Variants in POU6F2 observed in about 807,000 individuals in gnomAD.
POU6F2 encodes the protein POU class 6 homeobox 2, also known as POU domain, class 6, transcription factor 2.
POU6F2 carries 31 observed loss-of-function variants against 71.3 expected under a neutral mutation model. The observed-to-expected ratio is 0.43, with a 90% CI of 0.33 to 0.59. The LOEUF (loss-of-function observed/expected upper bound fraction) is 0.59. POU6F2 is among the 20% of genes least tolerant of loss of function. The pLI is 0.04. For missense variants in POU6F2, 783 were observed against 856.8 expected, an observed-to-expected ratio of 0.91 and a Z score of 1.07; for synonymous variants, 347 against 355.7, an observed-to-expected ratio of 0.98 and a Z score of 0.27.
intron 2 of POU6F2, among the ~76,000 whole-genome samples, chr7:39,163,571 A>G (rs1793042584): frequency 6.6e-6 from 1 of 152,194 alleles, no homozygotes. Flanking sequence ...GAACAGATCC[A>G]GAGACTCTCT....
At chr7:39,112,588 G>A (rs1269379014) in intron 2 of POU6F2, among the ~76,000 whole-genome samples, 1 of 151,892 alleles carries the variant, frequency 6.6e-6, no homozygotes, top group Non-Finnish European at 1.5e-5. Context: ...ATATCCACAT[G>A]AAATTGCTTA....
rs757067400 is a variant in POU6F2 at position 39,207,402 on chromosome 7, C to T, written c.380C>T (p.Thr127Met). ...TCTGTTTCCTTGCAGCCACTTCTGA[C>T]GGCACAGCAGTTAGCTTCTGCTGTG... ...PFPVGPQPLL[T>M]AQQLASAVAG... The change falls in exon 4 of 10, where the codon ACG (threonine) becomes ATG (methionine). Residue 127 changes from threonine to methionine, a missense_variant. Transcript: ENST00000518318. 7 of 1,613,556 alleles carry T rather than the reference C, an allele frequency of 4.3e-6. No individual in the cohort carries two copies. The highest frequency in any genetic ancestry group is 2.2e-5 in the South Asian group (2 of 91,022).
chr7:39,160,110 C>T (rs532964962), intron 2 of POU6F2, among the ~76,000 whole-genome samples: 144 of 152,260 alleles, frequency 9.5e-4, no homozygotes, highest in African/African-American at 3.3e-3. Context: ...GAGAGGACAG[C>T]GTCCCAAGTT....
In POU6F2 at chr7:39,329,150, A is replaced by T. The variant is rs1485480696; in HGVS notation, c.599-10492A>T. ...AAATGGGAAGCCATCTGTGTCTTTA[A>T]TATGGCTTGGTGTAATATATATATT... On this transcript the variant is annotated intron_variant, in intron 4 of 9. Coordinates refer to ENST00000518318, the MANE Select transcript of POU6F2 (RefSeq NM_001370959.1). 4 of 152,142 alleles carry T rather than the reference A, an allele frequency of 2.6e-5. No homozygotes were observed. In the Admixed American group the frequency reaches 2.6e-4, roughly 10 times the overall value. The allele number at this position is 152,142 out of a possible 1,614,324, so 9.4% of individuals were successfully genotyped here. A position where few individuals can be genotyped will look rare whatever the true frequency, so the allele number is the denominator to read the frequency against.
intron 1 of POU6F2, among the ~76,000 whole-genome samples, chr7:39,079,180 CTT>C (rs1162865518): frequency 1.8e-4 from 14 of 79,320 alleles, no homozygotes; most frequent in East Asian, 7.2e-4. Context: ...CTCACAATAT[CTT>C]TTTTTTTTTT....
At chr7:39,388,866 A>G (rs1208260068) in intron 5 of POU6F2, among the ~76,000 whole-genome samples, 1 of 152,252 alleles carries the variant, frequency 6.6e-6, no homozygotes, top group Non-Finnish European at 1.5e-5. Flanking sequence ...CTATTCGAAT[A>G]CTAGGTGACA....
chr7:39,091,731 G>A (rs779798013), intron 2 of POU6F2, among the ~76,000 whole-genome samples: 11 of 152,096 alleles, frequency 7.2e-5, no homozygotes, highest in African/African-American at 2.7e-4. Context: ...GATTGCTTTC[G>A]CTCTTAATTA....
chr7:39,154,898 G>A (rs1358822133), intron 2 of POU6F2, among the ~76,000 whole-genome samples: 1 of 152,110 alleles, frequency 6.6e-6, no homozygotes, highest in African/African-American at 2.4e-5. Flanking sequence ...CCCGGAAATA[G>A]TAAAATAGTT....
At chr7:39,373,342 C>T (rs1489992024) in intron 5 of POU6F2, 8 of 427,672 alleles carry the variant, frequency 1.9e-5, no homozygotes, top group South Asian at 5.1e-5. Flanking sequence ...GCTAGAAGAT[C>T]GACTGATTGA....
intron 2 of POU6F2, among the ~76,000 whole-genome samples, chr7:39,143,073 C>T (rs1372911216): frequency 6.6e-6 from 1 of 151,984 alleles, no homozygotes; most frequent in East Asian, 1.9e-4. Context: ...TTGTTTTTTT[C>T]TGAAGAAAAT....
chr7:39,336,198 T>C (rs1405075135), intron 4 of POU6F2, among the ~76,000 whole-genome samples: 1 of 152,230 alleles, frequency 6.6e-6, no homozygotes, highest in Non-Finnish European at 1.5e-5. Context: ...AATGTATGAT[T>C]CAGTGACATT....
chr7:39,228,144 T>C (rs1309396440), intron 4 of POU6F2, among the ~76,000 whole-genome samples: 3 of 152,186 alleles, frequency 2.0e-5, no homozygotes, highest in African/African-American at 7.2e-5. Context: ...ACAAATAGGT[T>C]ATAGGAGAAT....
intron 5 of POU6F2, among the ~76,000 whole-genome samples, chr7:39,401,998 C>T (rs1362015268): frequency 2.0e-5 from 3 of 152,074 alleles, no homozygotes; most frequent in African/African-American, 4.8e-5. Context: ...ATCATGCTGC[C>T]GTATTTTTGT....
intron 5 of POU6F2, among the ~76,000 whole-genome samples, chr7:39,362,932 G>T (rs1786421177): frequency 6.6e-6 from 1 of 152,182 alleles, no homozygotes; most frequent in South Asian, 2.1e-4. Flanking sequence ...GGTACAAAGT[G>T]GGCAAGGGAC....
At chr7:39,048,547 A>G (rs1790338277) in intron 1 of POU6F2, among the ~76,000 whole-genome samples, 2 of 152,090 alleles carry the variant, frequency 1.3e-5, no homozygotes, top group South Asian at 4.1e-4. Flanking sequence ...CTAATAGTCC[A>G]TGGTGTATAT....
At chr7:39,147,789 T>C (rs1792653145) in intron 2 of POU6F2, among the ~76,000 whole-genome samples, 1 of 152,142 alleles carries the variant, frequency 6.6e-6, no homozygotes, top group East Asian at 1.9e-4. Flanking sequence ...GGATATAGCT[T>C]GTCTTAGATT....
chr7:39,350,117 G>A (rs931529611), intron 5 of POU6F2, among the ~76,000 whole-genome samples: 1 of 152,170 alleles, frequency 6.6e-6, no homozygotes, highest in Non-Finnish European at 1.5e-5. Flanking sequence ...ACTGTAGTTC[G>A]ACAGGGCTCA....
chr7:39,405,854 C>T (rs1787414736), intron 5 of POU6F2, among the ~76,000 whole-genome samples: 1 of 152,156 alleles, frequency 6.6e-6, no homozygotes, highest in African/African-American at 2.4e-5. Context: ...TTTCTTCCTC[C>T]CTGTTTCACT....
intron 4 of POU6F2, among the ~76,000 whole-genome samples, chr7:39,337,205 G>T (rs187588979): frequency 5.5e-4 from 83 of 152,232 alleles, no homozygotes; most frequent in African/African-American, 1.9e-3. Context: ...TTCAAGACAC[G>T]GCTTTACCGT....
Sources: allele counts gnomAD v4.1 joint callset (sites outside exome capture counted in the v4.1 genomes callset), GRCh38; gene constraint gnomAD v4.1.1; transcripts MANE v1.5; gene names NCBI Gene and HGNC (gene_info 2026-07-23, HGNC 2026-07-21).